L3MBTL3: variants seen among roughly 807,000 people sequenced by gnomAD.
L3MBTL3 encodes lethal(3)malignant brain tumor-like protein 3.
A neutral mutation model predicts 102.3 loss-of-function variants in L3MBTL3; 27 were observed. That is an observed-to-expected ratio of 0.26 (90% confidence interval 0.19 to 0.36). The LOEUF (loss-of-function observed/expected upper bound fraction) is 0.36, where lower values mean the gene tolerates loss of function less well. L3MBTL3 is among the 10% of genes least tolerant of loss of function. The pLI is 1.00. For missense variants in L3MBTL3, 798 were observed against 955.3 expected, an observed-to-expected ratio of 0.84 and a Z score of 2.17; for synonymous variants, 340 against 320.9, an observed-to-expected ratio of 1.06 and a Z score of -0.64.
At chr6:130,066,639 G>A in intron 11 of L3MBTL3, 151 bp downstream of exon 11, 2 of 632,632 alleles carry the variant, frequency 3.2e-6, no homozygotes, top group Non-Finnish European at 2.6e-6. Flanking sequence ...GTTTATTAAA[G>A]TTAAAGAAAT....
rs200103433 is a variant in L3MBTL3, at chr6:130,070,098, GTTTGTTT to G, written c.1093-862_1093-856del. On this transcript the variant is annotated intron_variant, in intron 12 of 22. Transcript: ENST00000361794. Reference sequence around the variant, plus strand: ...ATAATTGAGTCTAACAGAGGTTTTTGTTTGTTTTTTGTTTTTTGTTTTGTTTTGTTTT... The same window carrying G: ...ATAATTGAGTCTAACAGAGGTTTTTGTTTGTTTTTTGTTTTGTTTTGTTTT... Among the ~76,000 whole-genome samples the G allele has an allele frequency of 8.1e-3, 1,237 of 152,114 alleles. 13 individuals carry two copies. The highest frequency in any genetic ancestry group is 0.026 in the African/African-American group (1,087 of 41,502).
At chr6:130,025,855 A>G (rs1421995719) in intron 2 of L3MBTL3, among the ~76,000 whole-genome samples, 2 of 152,192 alleles carry the variant, frequency 1.3e-5, no homozygotes, top group Admixed American at 1.3e-4. Flanking sequence ...AAAATCAACA[A>G]TTACAGCAGG....
At chr6:130,020,641 C>G (rs1584259141) in intron 1 of L3MBTL3, 2 of 152,226 alleles carry the variant, frequency 1.3e-5, no homozygotes, top group African/African-American at 2.4e-5. Context: ...GACCGCGGCT[C>G]TACCCCACCC....
intron 11 of L3MBTL3, among the ~76,000 whole-genome samples, chr6:130,067,210 T>C (rs1782317396): frequency 6.6e-6 from 1 of 152,022 alleles, no homozygotes; most frequent in Non-Finnish European, 1.5e-5. Flanking sequence ...GCCTAGCAGG[T>C]TCAAGTGATT....
chr6:130,080,841 A>C (rs189490030), intron 14 of L3MBTL3, among the ~76,000 whole-genome samples: 53 of 152,318 alleles, frequency 3.5e-4, no homozygotes, highest in Non-Finnish European at 3.2e-4. Flanking sequence ...AAACTGCCAA[A>C]TTGTGAGACT....
chr6:130,083,674 C>A lies in L3MBTL3; in HGVS notation c.1376C>A (p.Ser459Tyr). ...SWDKYLEETN[S>Y]LPAPARAFKV... is the part of the protein sequence containing the mutation. ...GATAAATACTTAGAAGAAACCAATTCTTTACCTGCTCCTGCAAGAGCTTTC... is the reference window on the plus strand; with the variant it reads ...GATAAATACTTAGAAGAAACCAATTATTTACCTGCTCCTGCAAGAGCTTTC... Residue 459 changes from serine to tyrosine, a missense_variant, in exon 15 of 23, where the codon TCT becomes TAT. Transcript: ENST00000361794. 1 of 1,548,196 alleles carries A rather than the reference C, an allele frequency of 6.5e-7. No homozygotes were observed. The highest frequency in any genetic ancestry group is 8.7e-7 in the Non-Finnish European group (1 of 1,145,578).
At chr6:130,038,306 A>T (rs1376755608) in intron 2 of L3MBTL3, among the ~76,000 whole-genome samples, 5 of 151,792 alleles carry the variant, frequency 3.3e-5, no homozygotes, top group Non-Finnish European at 7.4e-5. Flanking sequence ...ACTGGATCAT[A>T]TGGTATTTCT....
intron 13 of L3MBTL3, 94 bp downstream of exon 13, chr6:130,071,221 A>T (rs1256254160): frequency 8.7e-7 from 1 of 1,147,018 alleles, no homozygotes; most frequent in Non-Finnish European, 1.2e-6. Flanking sequence ...ATAACAAAAA[A>T]AAGCAGTGTT....
chr6:130,127,255 T>G (rs1582633737), intron 20 of L3MBTL3, among the ~76,000 whole-genome samples: 1 of 152,202 alleles, frequency 6.6e-6, no homozygotes, highest in East Asian at 1.9e-4. Flanking sequence ...GAAAGAAGTT[T>G]TCTTAGTCAG....
intron 1 of L3MBTL3, among the ~76,000 whole-genome samples, chr6:130,020,244 G>A (rs868788706): frequency 1.1e-4 from 17 of 151,354 alleles, no homozygotes; most frequent in African/African-American, 3.6e-4. Flanking sequence ...GGGGCGGGGG[G>A]AAGTAGAGGC....
intron 19 of L3MBTL3, among the ~76,000 whole-genome samples, chr6:130,106,035 A>T (rs1192863957): frequency 3.3e-5 from 5 of 152,182 alleles, no homozygotes; most frequent in African/African-American, 1.2e-4. Context: ...CATGGTCAGC[A>T]TTTGTGATCA....
At chr6:130,061,221 A>G (rs1781882149) in intron 10 of L3MBTL3, among the ~76,000 whole-genome samples, 1 of 151,718 alleles carries the variant, frequency 6.6e-6, no homozygotes, top group African/African-American at 2.4e-5. Context: ...AATAGCTAGG[A>G]CTACAGGCGC....
intron 19 of L3MBTL3, among the ~76,000 whole-genome samples, chr6:130,105,652 C>T (rs1227430634): frequency 1.4e-5 from 2 of 144,790 alleles, no homozygotes; most frequent in East Asian, 4.0e-4. Context: ...AACTTTAAAA[C>T]ATATAACGGT....
At chr6:130,115,796 ATGTAT>A (rs1238455525) in intron 19 of L3MBTL3, among the ~76,000 whole-genome samples, 8 of 152,246 alleles carry the variant, frequency 5.3e-5, no homozygotes, top group Admixed American at 2.0e-4. Context: ...TACAACTGAA[ATGTAT>A]TGAATTGAAT....
Position 130,092,709 on chromosome 6 carries a change from C to G in L3MBTL3, c.1519-36C>G, listed in dbSNP as rs775745483. 7 of 1,355,826 alleles carry G rather than the reference C, an allele frequency of 5.2e-6. No individual in the cohort carries two copies. The South Asian group carries it at 8.3e-5, about 16-fold the overall frequency. The allele number at this position is 1,355,826 out of a possible 1,614,324, so 84.0% of individuals were successfully genotyped here. On this transcript the variant is annotated intron_variant, in intron 16 of 22. Coordinates refer to ENST00000361794, the MANE Select transcript of L3MBTL3 (RefSeq NM_032438.4). ...ACTTTGACTGTAGGAACTTTTATGACTTAATTTGTACTGTTAATGTCCTTG... is the reference window on the plus strand; with the variant it reads ...ACTTTGACTGTAGGAACTTTTATGAGTTAATTTGTACTGTTAATGTCCTTG...
intron 2 of L3MBTL3, among the ~76,000 whole-genome samples, chr6:130,033,881 G>C (rs1419176784): frequency 1.3e-5 from 2 of 152,240 alleles, no homozygotes; most frequent in African/African-American, 2.4e-5. Context: ...AATATTTGGA[G>C]AACAGTGGTT....
intron 19 of L3MBTL3, among the ~76,000 whole-genome samples, chr6:130,114,013 A>C (rs572160339): frequency 6.6e-6 from 1 of 152,218 alleles, no homozygotes; most frequent in African/African-American, 2.4e-5. Context: ...TTCATGTTGA[A>C]TATCGGCGAA....
intron 2 of L3MBTL3, among the ~76,000 whole-genome samples, chr6:130,035,662 A>G (rs1436371392): frequency 1.3e-5 from 2 of 152,224 alleles, no homozygotes; most frequent in Non-Finnish European, 2.9e-5. Flanking sequence ...CATGCTGGGC[A>G]TCAATGCCTT....
In L3MBTL3 at chr6:130,139,869, C is replaced by A; in HGVS notation, c.*116C>A. On this transcript the variant is annotated 3_prime_UTR_variant, in exon 23 of 23. Transcript: ENST00000361794. ...GTCTCCAAAACTCAAAAGAGCAACA[C>A]TATCGGATTATTTATATTACTCAAG... 3 of 880,208 alleles carry A rather than the reference C, an allele frequency of 3.4e-6. No homozygotes were observed. The highest frequency in any genetic ancestry group is 5.3e-6 in the Non-Finnish European group (3 of 566,628). The allele number at this position is 880,208 out of a possible 1,614,324, so 54.5% of individuals were successfully genotyped here.
Sources: gnomAD v4.1 joint callset for allele counts (sites outside exome capture counted in the v4.1 genomes callset) on GRCh38, gnomAD v4.1.1 for gene constraint, MANE v1.5 for transcripts, NCBI Gene and HGNC (gene_info 2026-07-23, HGNC 2026-07-21) for gene names.